TMEM120A: variants seen among roughly 807,000 people sequenced by gnomAD.
TMEM120A encodes ion channel TACAN.
A neutral mutation model predicts 54.3 loss-of-function variants in TMEM120A; 45 were observed. The observed-to-expected ratio is 0.83, with a 90% confidence interval of 0.65 to 1.06. The LOEUF (loss-of-function observed/expected upper bound fraction) is 1.06, where lower values mean the gene tolerates loss of function less well. Ranked by LOEUF, TMEM120A falls within the 50% of genes least tolerant of loss-of-function variation. TMEM120A has a pLI of 0.00. For synonymous variants in TMEM120A, 204 were observed against 178.5 expected (o/e 1.14, Z -1.14); for missense variants, 424 against 441.7 (o/e 0.96, Z 0.36).
intron 4 of TMEM120A, 34 bp downstream of exon 4, chr7:75,989,107 GGTAGGGGGCTAGGGGTGGAGGGGT>G (rs1789724997): frequency 1.5e-5 from 4 of 261,230 alleles, no homozygotes; most frequent in South Asian, 7.2e-5. Flanking sequence ...GGGGGAGGGG[GGTAGGGGGCTAGGGGTGGAGGGGT>G]GGAGGTTGGG....
chr7:75,989,540 G>C (rs758384152), intron 3 of TMEM120A, among the ~76,000 whole-genome samples: 1 of 143,644 alleles, frequency 7.0e-6, no homozygotes, highest in Non-Finnish European at 1.5e-5. Context: ...GCTGAGGGCC[G>C]TCCCCCTGTC....
chr7:75,994,377 C>T (rs1349169097), intron 1 of TMEM120A, 113 bp downstream of exon 1: 10 of 936,946 alleles, frequency 1.1e-5, no homozygotes, highest in Non-Finnish European at 3.3e-6. Context: ...GACGCCAGGG[C>T]CCCGACCCCT....
rs782758619 is a variant in TMEM120A, at chr7:75,992,550, TGGGTCTCCTGG to T, written c.82-4_88del. On this transcript the variant is annotated splice_acceptor_variant and splice_polypyrimidine_tract_variant and coding_sequence_variant and intron_variant, in exon 2 of 12. Transcript: ENST00000493111. LOFTEE classifies it high-confidence loss of function. ...CTCCAGCTTCAGGCGGTAGAGCCGA[TGGGTCTCCTGG>T]GGGCCGGAGGGGAGAGGCTCAGGCC... The T allele has an allele frequency of 6.4e-7, 1 of 1,572,022 alleles. No homozygotes were observed. The highest frequency in any genetic ancestry group is 1.2e-5 in the South Asian group (1 of 86,112).
chr7:75,988,314 C>G lies in TMEM120A; in HGVS notation c.501G>C (p.Leu167=). 4 of 1,612,078 alleles carry G rather than the reference C, an allele frequency of 2.5e-6. No individual in the cohort carries two copies. Among genetic ancestry groups the G allele is most frequent in the Non-Finnish European group, 3.4e-6 (4 of 1,179,810 alleles). ...TCAGGGTGCAGTAGTACCAGACCAGCAGGAAGTTGAAGGCAGCATCTGTCA... is the reference window on the plus strand; with the variant it reads ...TCAGGGTGCAGTAGTACCAGACCAGGAGGAAGTTGAAGGCAGCATCTGTCA... ...SRVTDAAFNF[L]LVWYYCTLTI... is the part of the protein sequence containing the mutation. The change falls in exon 6 of 12, where the codon CTG becomes CTC. Residue 167 remains leucine (L), a synonymous_variant. Transcript: ENST00000493111.
intron 1 of TMEM120A, among the ~76,000 whole-genome samples, chr7:75,993,069 T>G (rs1789913803): frequency 6.6e-6 from 1 of 152,206 alleles, no homozygotes; most frequent in South Asian, 2.1e-4. Flanking sequence ...CCCAAAGTGC[T>G]GGGATTACAG....
chr7:75,990,433 T>C (rs1453946540), intron 3 of TMEM120A, among the ~76,000 whole-genome samples: 1 of 152,146 alleles, frequency 6.6e-6, no homozygotes, highest in Non-Finnish European at 1.5e-5. Flanking sequence ...CTCCTGGGTC[T>C]TTCCCCTCTC....
chr7:75,994,094 C>A (rs968269403), intron 1 of TMEM120A, among the ~76,000 whole-genome samples: 6 of 152,134 alleles, frequency 3.9e-5, no homozygotes, highest in Admixed American at 3.9e-4. Context: ...GCCGAGGACA[C>A]CCCCCTAAAC....
rs548149376 is a variant in TMEM120A, at chr7:75,990,763, G to T, written c.317+1381C>A. On this transcript the variant is annotated intron_variant, in intron 3 of 11. Transcript: ENST00000493111. The stretch of plus-strand genomic sequence containing the variant: ...AAAATACAAAAATTAGCCGGGTGTG[G>T]TGGCGGGCACCTGTAATCCCAGCTA... Among the ~76,000 whole-genome samples, 56 of 151,852 alleles carry T rather than the reference G, an allele frequency of 3.7e-4. 2 individuals are homozygous for T. The South Asian group carries it at 0.011, about 29-fold the overall frequency.
Position 75,992,456 on chromosome 7 carries a change from C to T in TMEM120A, c.183G>A (p.Leu61=), listed in dbSNP as rs1789880905. ...ITRQKKRLQE[L]ALALKKCKPS... Reference sequence around the variant, plus strand: ...ATCCTAACTTCTTCAGGGCGAGGGCCAGCTCCTGGAGCCGCTTCTTCTGCC... The same window carrying T: ...ATCCTAACTTCTTCAGGGCGAGGGCTAGCTCCTGGAGCCGCTTCTTCTGCC... Residue 61 remains leucine, a synonymous_variant, in exon 2 of 12, where the codon CTG becomes CTA. Coordinates refer to ENST00000493111, the MANE Select transcript of TMEM120A (RefSeq NM_031925.3). The T allele has an allele frequency of 6.3e-7, 1 of 1,594,560 alleles. No individual in the cohort carries two copies. The highest frequency in any genetic ancestry group is 1.3e-5 in the African/African-American group (1 of 74,564).
At chr7:75,989,651 C>G (rs919336923) in intron 3 of TMEM120A, among the ~76,000 whole-genome samples, 2 of 151,964 alleles carry the variant, frequency 1.3e-5, no homozygotes, top group Non-Finnish European at 2.9e-5. Context: ...GAGACCCACA[C>G]GCCTGGCCAC....
At chr7:75,989,738 G>A (rs185883922) in intron 3 of TMEM120A, among the ~76,000 whole-genome samples, 31 of 152,036 alleles carry the variant, frequency 2.0e-4, no homozygotes, top group South Asian at 6.2e-4. Context: ...TCAGCCTCCC[G>A]GGGCGTTTCT....
Position 75,988,420 on chromosome 7 carries a change from C to T in TMEM120A, c.473+1G>A. On this transcript the variant is annotated splice_donor_variant, in intron 5 of 11. Coordinates refer to ENST00000493111, the MANE Select transcript of TMEM120A (RefSeq NM_031925.3). LOFTEE classifies it high-confidence loss of function. ...GTCCTCGGCCGGGGTGGGACGCCCA[C>T]CTGGAGTTGAGCAGGAAGCGGCAAG... is the stretch of plus-strand genomic sequence containing the variant. The T allele has an allele frequency of 6.2e-7, 1 of 1,611,128 alleles. No homozygotes were observed. The highest frequency in any genetic ancestry group is 8.5e-7 in the Non-Finnish European group (1 of 1,179,442).
rs1789532122 is a variant in TMEM120A, at chr7:75,987,119, C to T, written c.*53G>A. The T allele has an allele frequency of 1.4e-6, 2 of 1,475,818 alleles. No homozygotes were observed. The highest frequency in any genetic ancestry group is 1.9e-6 in the Non-Finnish European group (2 of 1,077,152). 91.4% of individuals were successfully genotyped at this position (1,475,818 alleles called of 1,614,324 possible). ...ACTCGAGGGGCGCCTCCCATCCCCT[C>T]CCACAACACACAGGACAGAAGCCCC... On this transcript the variant is annotated 3_prime_UTR_variant, in exon 12 of 12. Transcript: ENST00000493111.
intron 6 of TMEM120A, 28 bp downstream of exon 6, chr7:75,988,223 TC>T: frequency 1.2e-6 from 2 of 1,611,686 alleles, no homozygotes; most frequent in Non-Finnish European, 1.7e-6. Context: ...CATTCCATGC[TC>T]CCCTCCCTCA....
At chr7:75,987,652 C>A in intron 9 of TMEM120A, 50 bp from the exon 10 acceptor site, 2 of 1,604,836 alleles carry the variant, frequency 1.2e-6, no homozygotes, top group Non-Finnish European at 1.7e-6. Flanking sequence ...AGAGGGGACG[C>A]TACCACTCAG....
At position 75,994,428 on chromosome 7, in the gene TMEM120A, CCT is replaced by C; in HGVS notation, c.81+60_81+61del. On this transcript the variant is annotated intron_variant, in intron 1 of 11. Transcript: ENST00000493111. ...ACTGCCTGACCCAGGGCTGCCCGAC[CCT>C]TGACCCTGAGCCAGCGAGACGCGGC... 3 of 1,479,724 alleles carry C rather than the reference CCT, an allele frequency of 2.0e-6. No individual in the cohort carries two copies. The South Asian group carries it at 3.6e-5, about 18-fold the overall frequency. 91.7% of individuals were successfully genotyped at this position (1,479,724 alleles called of 1,614,324 possible).
At position 75,987,431 on chromosome 7, in the gene TMEM120A, A is replaced by G. The variant is rs782265978; in HGVS notation, c.850-3T>C. ...AGCGCGTTAAAAAGCTGCCAGAACT[A>G]AGCAGGGAGGAGGCATTTTACTCAG... On this transcript the variant is annotated splice_polypyrimidine_tract_variant and splice_region_variant and intron_variant, in intron 10 of 11. Coordinates refer to ENST00000493111, the MANE Select transcript of TMEM120A (RefSeq NM_031925.3). The G allele has an allele frequency of 1.4e-5, 22 of 1,561,266 alleles. No individual in the cohort carries two copies. Among genetic ancestry groups the G allele is most frequent in the Non-Finnish European group, 1.8e-5 (21 of 1,152,612 alleles).
intron 1 of TMEM120A, 54 bp from the exon 2 acceptor site, chr7:75,992,611 C>T: frequency 7.3e-7 from 1 of 1,379,150 alleles, no homozygotes; most frequent in Non-Finnish European, 9.9e-7. Flanking sequence ...TGAGCCAGAG[C>T]CTGCAGGCAG....
chr7:75,988,305 C>T lies in TMEM120A; in HGVS notation c.510G>A (p.Trp170Ter). 2 of 1,612,104 alleles carry T rather than the reference C, an allele frequency of 1.2e-6. No homozygotes were observed. The highest frequency in any genetic ancestry group is 1.1e-5 in the South Asian group (1 of 91,062). The change falls in exon 6 of 12, where the codon TGG becomes TGA. Residue 170 changes from tryptophan to a stop codon, truncating the protein, a stop_gained. Coordinates refer to ENST00000493111, the MANE Select transcript of TMEM120A (RefSeq NM_031925.3). LOFTEE classifies it high-confidence loss of function. ...TDAAFNFLLVWYYCTLTIRES... is the reference protein window; with the variant it reads ...TDAAFNFLLV ...CCCGGATGGTCAGGGTGCAGTAGTA[C>T]CAGACCAGCAGGAAGTTGAAGGCAG...
Sources: gnomAD v4.1 joint callset for allele counts (sites outside exome capture counted in the v4.1 genomes callset) on GRCh38, gnomAD v4.1.1 for gene constraint, MANE v1.5 for transcripts, NCBI Gene and HGNC (gene_info 2026-07-23, HGNC 2026-07-21) for gene names.